The following CCHCR1 variants were observed in gnomAD, a reference collection of about 807,000 sequenced individuals.
CCHCR1 encodes HCR (a-helix coiled-coil rod homologue).
CCHCR1 carries 91 observed loss-of-function variants against 114.6 expected under a neutral mutation model. The observed-to-expected ratio is 0.79, with a 90% CI of 0.67 to 0.94. The LOEUF is 0.94. Among genes scored for constraint, CCHCR1 ranks in the 40% least tolerant of loss-of-function variants. The pLI is 0.00. For synonymous variants in CCHCR1, 379 were observed against 428.5 expected, an observed-to-expected ratio of 0.88 and a Z score of 1.43; for missense variants, 899 against 1,079.9, an observed-to-expected ratio of 0.83 and a Z score of 2.35.
Position 31,143,445 on chromosome 6 carries a change from G to A in CCHCR1, c.2168-32C>T. 6.2e-7 allele frequency: 1 copy of A among 1,608,852 alleles called. No homozygotes were observed. The highest frequency in any genetic ancestry group is 1.1e-5 in the South Asian group (1 of 90,884). On this transcript the variant is annotated intron_variant, in intron 15 of 17. Transcript: ENST00000396268. The surrounding 1 kb of genome is among the most constrained non-coding windows in gnomAD (Gnocchi z 5.3). ...AGAGGCCAAGGCACAGAGGAGGCAG[G>A]TGTGAGTCAGGCCAGAGGCAGCCAG...
In CCHCR1 at chr6:31,151,328, T is replaced by A. The variant is rs569516150; in HGVS notation, c.802-206A>T. ...TGTCCGATCTCCCCCAAAACATATC[T>A]TCACCTCTCTGTCTCCGTCTCCACT... On this transcript the variant is annotated intron_variant, in intron 4 of 17. Transcript: ENST00000396268. The surrounding 1 kb of genome is among the most constrained non-coding windows in gnomAD (Gnocchi z 4.1). Among the ~76,000 whole-genome samples the A allele has an allele frequency of 6.6e-6, 1 of 152,270 alleles. No individual in the cohort carries two copies. Among genetic ancestry groups the A allele is most frequent in the East Asian group, 1.9e-4 (1 of 5,174 alleles).
At position 31,156,752 on chromosome 6, in the gene CCHCR1, T is replaced by C. The variant is rs1388615430; in HGVS notation, c.476A>G (p.Gln159Arg). 2 of 1,612,620 alleles carry C rather than the reference T, an allele frequency of 1.2e-6. No homozygotes were observed. The highest frequency in any genetic ancestry group is 1.7e-6 in the Non-Finnish European group (2 of 1,179,936). Residue 159 changes from glutamine (Q) to arginine (R), a missense_variant, in exon 3 of 18, where the codon CAG becomes CGG. Physicochemically the swap from Gln to Arg is conservative, Grantham distance 43 (BLOSUM62 1). Coordinates refer to ENST00000396268, the MANE Select transcript of CCHCR1 (RefSeq NM_001105564.2). ...MWERDVSSDR[Q>R]EPGRRGRSWG... ...CTACCTGCCTCTCCGCCCTGGCTCC[T>C]GCCTGTCACTGGAAACATCCCGTTC... is the stretch of plus-strand genomic sequence containing the variant.
intron 8 of CCHCR1, 117 bp from the exon 9 acceptor site, chr6:31,148,845 GAGGGGGGGCGGGCGACGGGGGT>G: frequency 1.9e-6 from 1 of 528,076 alleles, no homozygotes; most frequent in East Asian, 3.2e-5. Flanking sequence ...GGGCTGGGGG[GAGGGGGGGCGGGCGACGGGGGT>G]GGGTTGCAGC....
chr6:31,154,486 C>T lies in CCHCR1; in HGVS notation c.801+10G>A. 6.2e-7 allele frequency: 1 copy of T among 1,600,744 alleles called. No individual in the cohort carries two copies. The highest frequency in any genetic ancestry group is 1.1e-5 in the South Asian group (1 of 90,748). ...TTATGAATTTGAATCCTTTCTACCC[C>T]TGCATTCACCTGCTCTTGGTGCAGC... On this transcript the variant is annotated intron_variant, in intron 4 of 17. Transcript: ENST00000396268. This position sits in a 1 kb window ranked among gnomAD's most constrained non-coding sequence, Gnocchi z 4.1.
At chr6:31,147,004 G>T (rs919685779) in intron 10 of CCHCR1, among the ~76,000 whole-genome samples, 11 of 152,136 alleles carry the variant, frequency 7.2e-5, no homozygotes, top group African/African-American at 2.7e-4. Flanking sequence ...GACTCATCCT[G>T]CATCTTAATT....
At position 31,143,073 on chromosome 6, in the gene CCHCR1, A is replaced by G; in HGVS notation, c.2381T>C (p.Leu794Pro). The change falls in exon 17 of 18, where the codon CTT becomes CCT. Residue 794 changes from leucine to proline, a missense_variant. By Grantham distance (98) the Leu-to-Pro change is moderately conservative. Transcript: ENST00000396268. The surrounding 1 kb of genome is among the most constrained non-coding windows in gnomAD (Gnocchi z 5.3). Reference sequence around the variant, plus strand: ...TTTCTTCTTATCCAGTAGGGAAGGAAGAACTGTCAACAGTCGCTGCTGCTT... The same window carrying G: ...TTTCTTCTTATCCAGTAGGGAAGGAGGAACTGTCAACAGTCGCTGCTGCTT... ...RYKQQRLLTV[L>P]PSLLDKKKSV... 6.8e-6 allele frequency: 11 copies of G among 1,613,044 alleles called. No homozygotes were observed. Among genetic ancestry groups the G allele is most frequent in the South Asian group, 1.1e-5 (1 of 91,084 alleles).
chr6:31,150,311 T>C lies in CCHCR1; in HGVS notation c.1213-96A>G, dbSNP rs897708254. ...TCTCCTCTGTCCTGCCTGGGCAACA[T>C]GAGCTACAGCAAGAGGAGTTCACAG... is the stretch of plus-strand genomic sequence containing the variant. On this transcript the variant is annotated intron_variant, in intron 7 of 17. Transcript: ENST00000396268. This position sits in a 1 kb window ranked among gnomAD's most constrained non-coding sequence, Gnocchi z 5.3. 1 of 1,438,894 alleles carries C rather than the reference T, an allele frequency of 6.9e-7. No homozygotes were observed. Among genetic ancestry groups the C allele is most frequent in the East Asian group, 2.3e-5 (1 of 43,072 alleles). The allele number at this position is 1,438,894 out of a possible 1,614,324, so 89.1% of individuals were successfully genotyped here.
Position 31,157,745 on chromosome 6 carries a change from T to C in CCHCR1, c.-145A>G. 1.5e-6 allele frequency: 1 copy of C among 650,716 alleles called. No homozygotes were observed. The highest frequency in any genetic ancestry group is 2.6e-6 in the Non-Finnish European group (1 of 381,018). 40.3% of individuals were successfully genotyped at this position (650,716 alleles called of 1,614,324 possible). A position where few individuals can be genotyped will look rare whatever the true frequency, so the allele number is the denominator to read the frequency against. ...CTACTATCCCCTTAGCTTCCATGCC[T>C]GCTGCCCGCCTCCTCTTTCTCGAGT... On this transcript the variant is annotated 5_prime_UTR_variant, in exon 1 of 18. Coordinates refer to ENST00000396268, the MANE Select transcript of CCHCR1 (RefSeq NM_001105564.2).
In CCHCR1 at chr6:31,154,409, G is replaced by T; in HGVS notation, c.801+87C>A. 1 of 1,001,750 alleles carries T rather than the reference G, an allele frequency of 1.0e-6. No homozygotes were observed. The highest frequency in any genetic ancestry group is 1.5e-6 in the Non-Finnish European group (1 of 652,414). 62.1% of individuals were successfully genotyped at this position (1,001,750 alleles called of 1,614,324 possible). On this transcript the variant is annotated intron_variant, in intron 4 of 17. Transcript: ENST00000396268. The surrounding 1 kb of genome is among the most constrained non-coding windows in gnomAD (Gnocchi z 4.1). The stretch of plus-strand genomic sequence containing the variant: ...CTCTACTACTCACTACTCATGGAGG[G>T]TCTTTTCTGCAATACCTGTTCTTTG...
chr6:31,154,720 G>T lies in CCHCR1; in HGVS notation c.577C>A (p.Leu193Met). 1 of 1,608,592 alleles carries T rather than the reference G, an allele frequency of 6.2e-7. No individual in the cohort carries two copies. Reference sequence around the variant, plus strand: ...CGCAGGAGCCGGACCTCCTCCTCCAGCCGCCGCAGCTCTTGCAGCTGCCGA... The same window carrying T: ...CGCAGGAGCCGGACCTCCTCCTCCATCCGCCGCAGCTCTTGCAGCTGCCGA... ...IVRQLQELRR[L>M]EEEVRLLRET... The change falls in exon 4 of 18, where the codon CTG becomes ATG. Residue 193 changes from leucine (L) to methionine (M), a missense_variant. Transcript: ENST00000396268. The surrounding 1 kb of genome is among the most constrained non-coding windows in gnomAD (Gnocchi z 4.1).
At position 31,144,556 on chromosome 6, in the gene CCHCR1, T is replaced by G. The variant is rs779073248; in HGVS notation, c.2167+131A>C. 6 of 665,908 alleles carry G rather than the reference T, an allele frequency of 9.0e-6. No individual in the cohort carries two copies. Among genetic ancestry groups the G allele is most frequent in the African/African-American group, 3.6e-5 (2 of 55,798 alleles). The allele number at this position is 665,908 out of a possible 1,614,324, so 41.2% of individuals were successfully genotyped here. On this transcript the variant is annotated intron_variant, in intron 15 of 17. Transcript: ENST00000396268. The surrounding 1 kb of genome is among the most constrained non-coding windows in gnomAD (Gnocchi z 4.6). ...TGTGTTCACGATGTGATAATTCATC[T>G]GTGCTACTCCTGGATACCTTCATTA...
intron 1 of CCHCR1, 99 bp from the exon 2 acceptor site, chr6:31,157,188 A>G (rs1314763142): frequency 1.8e-6 from 2 of 1,110,864 alleles, no homozygotes; most frequent in South Asian, 2.6e-5. Flanking sequence ...CTTGAATTAT[A>G]GCCAGGTCCA....
intron 4 of CCHCR1, among the ~76,000 whole-genome samples, chr6:31,153,047 A>G (rs1320603874): frequency 6.6e-6 from 1 of 152,018 alleles, no homozygotes; most frequent in East Asian, 1.9e-4. Context: ...GTGTGATGTC[A>G]GCTCACTGTA....
rs1012511446 is a variant in CCHCR1, at chr6:31,154,903, CGT to C, written c.498-106_498-105del. 3.6e-6 allele frequency: 4 copies of C among 1,100,910 alleles called. No individual in the cohort carries two copies. The African/African-American group carries it at 6.3e-5, about 17-fold the overall frequency. The allele number at this position is 1,100,910 out of a possible 1,614,324, so 68.2% of individuals were successfully genotyped here. On this transcript the variant is annotated intron_variant, in intron 3 of 17. Coordinates refer to ENST00000396268, the MANE Select transcript of CCHCR1 (RefSeq NM_001105564.2). The surrounding 1 kb of genome is among the most constrained non-coding windows in gnomAD (Gnocchi z 4.1). ...AAGGAAAAGAGGACCCCTCTGCTTC[CGT>C]GTGGGGAGGTGAAGGGGGTGCTGAA... is the stretch of plus-strand genomic sequence containing the variant.
At position 31,150,944 on chromosome 6, in the gene CCHCR1, C is replaced by T. The variant is rs1056971808; in HGVS notation, c.965+15G>A. On this transcript the variant is annotated intron_variant, in intron 5 of 17. Transcript: ENST00000396268. The surrounding 1 kb of genome is among the most constrained non-coding windows in gnomAD (Gnocchi z 5.3). ...TCACTAATTGCTGGGCTCCCGTCGG[C>T]GTCCGCCCACCTACCTCAGCTGCTT... The T allele has an allele frequency of 6.2e-7, 1 of 1,611,980 alleles. No individual in the cohort carries two copies. Among genetic ancestry groups the T allele is most frequent in the East Asian group, 2.2e-5 (1 of 44,872 alleles).
intron 1 of CCHCR1, 93 bp downstream of exon 1, chr6:31,157,292 A>T: frequency 8.2e-7 from 1 of 1,223,498 alleles, no homozygotes; most frequent in Non-Finnish European, 1.2e-6. Context: ...AACCCAAGCA[A>T]CTATCAAGTG....
chr6:31,152,292 A>C (rs1426215795), intron 4 of CCHCR1, among the ~76,000 whole-genome samples: 1 of 151,864 alleles, frequency 6.6e-6, no homozygotes, highest in Non-Finnish European at 1.5e-5. Flanking sequence ...AAAAAAAAAA[A>C]AAAAACAACC....
chr6:31,144,057 AAACAAC>A lies in CCHCR1; in HGVS notation c.2167+624_2167+629del, dbSNP rs9281228. On this transcript the variant is annotated intron_variant, in intron 15 of 17. Transcript: ENST00000396268. The surrounding 1 kb of genome is among the most constrained non-coding windows in gnomAD (Gnocchi z 4.6). Reference sequence around the variant, plus strand: ...TGGTGACAGAGGAAGACTCTGTCTCAAACAACAACAACAACAAAACATTAAATGATT... The same window carrying A: ...TGGTGACAGAGGAAGACTCTGTCTCAAACAACAACAAAACATTAAATGATT... 6.6e-6 allele frequency among the ~76,000 whole-genome samples: 1 copy of A among 150,470 alleles called. No individual in the cohort carries two copies. Among genetic ancestry groups the A allele is most frequent in the Non-Finnish European group, 1.5e-5 (1 of 67,836 alleles).
chr6:31,152,829 G>A (rs188157069), intron 4 of CCHCR1, among the ~76,000 whole-genome samples: 1 of 152,100 alleles, frequency 6.6e-6, no homozygotes, highest in East Asian at 1.9e-4. Flanking sequence ...AAAGCCTTGT[G>A]CCCTGGGCCC....
Sources: gnomAD v4.1 joint callset for allele counts (sites outside exome capture counted in the v4.1 genomes callset) on GRCh38, gnomAD v4.1.1 for gene constraint, Gnocchi (gnomAD v3.1) non-coding constraint, MANE v1.5 for transcripts, NCBI Gene and HGNC (gene_info 2026-07-23, HGNC 2026-07-21) for gene names.